The following FRMD4A variants were observed in gnomAD, a reference collection of about 807,000 sequenced individuals.
FRMD4A encodes the protein FERM domain-containing protein 4A.
FRMD4A carries 29 observed loss-of-function variants against 129.1 expected under a neutral mutation model. That is an observed-to-expected ratio of 0.22 (90% CI 0.17 to 0.31). FRMD4A has a LOEUF of 0.31. Ranked by LOEUF, FRMD4A falls within the 10% of genes least tolerant of loss-of-function variation. The pLI is 1.00. For synonymous variants in FRMD4A, 634 were observed against 571.6 expected, an observed-to-expected ratio of 1.11 and a Z score of -1.56; for missense variants, 1,272 against 1,375.8, an observed-to-expected ratio of 0.92 and a Z score of 1.19.
chr10:13,861,449 C>T (rs1206077999), intron 2 of FRMD4A, among the ~76,000 whole-genome samples: 1 of 152,156 alleles, frequency 6.6e-6, no homozygotes, highest in Non-Finnish European at 1.5e-5. Flanking sequence ...CATAGCATGT[C>T]CTGCTTACAT....
At chr10:13,842,535 T>A (rs1184066819) in intron 3 of FRMD4A, among the ~76,000 whole-genome samples, 2 of 152,198 alleles carry the variant, frequency 1.3e-5, no homozygotes, top group Non-Finnish European at 2.9e-5. Context: ...AAGTTGAGGT[T>A]CATAAAGGTA....
At chr10:13,766,210 G>T (rs1588619339) in intron 6 of FRMD4A, among the ~76,000 whole-genome samples, 1 of 151,794 alleles carries the variant, frequency 6.6e-6, no homozygotes, top group East Asian at 1.9e-4. Context: ...GATATCCACA[G>T]GAAAGCTACC....
At chr10:13,833,290 G>A (rs568130904) in intron 3 of FRMD4A, among the ~76,000 whole-genome samples, 97 of 152,288 alleles carry the variant, frequency 6.4e-4, no homozygotes, top group Non-Finnish European at 1.0e-3. Context: ...ATGGTGGCAG[G>A]CAAGAGAGAG....
At chr10:13,909,893 T>C (rs529838179) in intron 2 of FRMD4A, among the ~76,000 whole-genome samples, 1 of 152,322 alleles carries the variant, frequency 6.6e-6, no homozygotes, top group South Asian at 2.1e-4. Flanking sequence ...TCCTTTGTTA[T>C]AGACATGGCC....
intron 2 of FRMD4A, among the ~76,000 whole-genome samples, chr10:14,305,557 C>T (rs1344271228): frequency 2.0e-5 from 3 of 151,988 alleles, no homozygotes; most frequent in African/African-American, 7.3e-5. Flanking sequence ...TCTTTAAGGC[C>T]AGATGGTGTC....
At chr10:14,220,761 A>T (rs1843222840) in intron 2 of FRMD4A, among the ~76,000 whole-genome samples, 1 of 151,210 alleles carries the variant, frequency 6.6e-6, no homozygotes, top group African/African-American at 2.4e-5. Flanking sequence ...ACAAGAGGCA[A>T]CCAGAGGAGT....
intron 3 of FRMD4A, among the ~76,000 whole-genome samples, chr10:13,843,420 G>A (rs183768166): frequency 3.0e-4 from 46 of 152,290 alleles, no homozygotes; most frequent in African/African-American, 1.0e-3. Context: ...GGTGGAGTCC[G>A]GAATCGAGGA....
intron 2 of FRMD4A, among the ~76,000 whole-genome samples, chr10:14,272,500 C>T (rs1000175345): frequency 2.0e-5 from 3 of 152,224 alleles, no homozygotes; most frequent in Admixed American, 1.3e-4. Context: ...CCGACCAAGA[C>T]ACTCTCCATC....
At chr10:14,216,175 A>G (rs998312340) in intron 2 of FRMD4A, among the ~76,000 whole-genome samples, 1 of 152,180 alleles carries the variant, frequency 6.6e-6, no homozygotes, top group Non-Finnish European at 1.5e-5. Flanking sequence ...TCTGAGATTT[A>G]GTGAATAAAT....
At chr10:14,153,226 T>G (rs1453010287) in intron 2 of FRMD4A, among the ~76,000 whole-genome samples, 3 of 152,186 alleles carry the variant, frequency 2.0e-5, no homozygotes, top group African/African-American at 7.2e-5. Flanking sequence ...GAATTCAATT[T>G]AATAGAATAA....
intron 2 of FRMD4A, among the ~76,000 whole-genome samples, chr10:13,898,639 T>C (rs2094785224): frequency 6.6e-6 from 1 of 152,210 alleles, no homozygotes; most frequent in South Asian, 2.1e-4. Flanking sequence ...GCTTGGAGCA[T>C]ACATGGGACA....
At chr10:13,770,235 T>C (rs1200291655) in intron 6 of FRMD4A, among the ~76,000 whole-genome samples, 4 of 152,060 alleles carry the variant, frequency 2.6e-5, no homozygotes, top group Middle Eastern at 6.3e-3. Context: ...GCACAATTCC[T>C]CATTCTTAGT....
chr10:14,274,708 C>G (rs1845279702), intron 2 of FRMD4A, among the ~76,000 whole-genome samples: 1 of 152,164 alleles, frequency 6.6e-6, no homozygotes, highest in African/African-American at 2.4e-5. Flanking sequence ...CCTCTCCCAC[C>G]TCTTAGAAAC....
chr10:13,970,335 C>T (rs909343790), intron 2 of FRMD4A, among the ~76,000 whole-genome samples: 2 of 152,180 alleles, frequency 1.3e-5, no homozygotes, highest in Non-Finnish European at 2.9e-5. Flanking sequence ...AGCAGGGGTC[C>T]TGCGGGGCTG....
chr10:14,021,094 G>A (rs963116059), intron 2 of FRMD4A, among the ~76,000 whole-genome samples: 24 of 152,042 alleles, frequency 1.6e-4, no homozygotes, highest in Admixed American at 5.2e-4. Flanking sequence ...TCACAAAGAC[G>A]AAATGCTTGC....
chr10:13,711,077 A>G (rs2087967327), intron 12 of FRMD4A, among the ~76,000 whole-genome samples: 1 of 152,224 alleles, frequency 6.6e-6, no homozygotes, highest in Non-Finnish European at 1.5e-5. Flanking sequence ...TCAGAACAGT[A>G]GCCTGATCTG....
At chr10:13,855,368 G>T (rs2094198887) in intron 3 of FRMD4A, among the ~76,000 whole-genome samples, 1 of 152,124 alleles carries the variant, frequency 6.6e-6, no homozygotes, top group South Asian at 2.1e-4. Context: ...TATAGCCTTT[G>T]ATGAGTATGC....
rs1231739521 is a variant in FRMD4A, at chr10:13,693,920, G to A, written c.1095C>T (p.Ser365=). 5 of 1,607,648 alleles carry A rather than the reference G, an allele frequency of 3.1e-6. No individual in the cohort carries two copies. Among genetic ancestry groups the A allele is most frequent in the Admixed American group, 1.7e-5 (1 of 58,356 alleles). The change falls in exon 15 of 25, where the codon AGC becomes AGT. Residue 365 remains serine (S), a synonymous_variant. Coordinates refer to ENST00000357447, the MANE Select transcript of FRMD4A (RefSeq NM_018027.5). Reference sequence around the variant, plus strand: ...TACCTGAAGACAGCAGGCTGCCGCTGCTGCCGCTGATGATCTTCCCCTTGC... The same window carrying A: ...TACCTGAAGACAGCAGGCTGCCGCTACTGCCGCTGATGATCTTCCCCTTGC... ...MGSKGKIISG[S]SGSLLSSGSQ...
intron 12 of FRMD4A, among the ~76,000 whole-genome samples, chr10:13,709,290 C>T (rs974755247): frequency 1.3e-5 from 2 of 152,170 alleles, no homozygotes; most frequent in Admixed American, 6.5e-5. Context: ...GGACCTGACA[C>T]AAGTTACAGC....
Sources: gnomAD v4.1 joint callset for allele counts (sites outside exome capture counted in the v4.1 genomes callset) on GRCh38, gnomAD v4.1.1 for gene constraint, MANE v1.5 for transcripts, NCBI Gene and HGNC (gene_info 2026-07-23, HGNC 2026-07-21) for gene names.